Variants in SLC22A15 observed in about 807,000 individuals in gnomAD.
The protein encoded by SLC22A15 is flipt 1.
In SLC22A15, 45 loss-of-function variants were observed where a neutral mutation model predicts 62.7. That is an observed-to-expected ratio of 0.72 (90% confidence interval 0.56 to 0.92). SLC22A15 has a LOEUF of 0.92. Ranked by LOEUF, SLC22A15 falls within the 40% of genes least tolerant of loss-of-function variation. The probability of loss-of-function intolerance (pLI) is 0.00; values close to 1 mark genes in which losing one functional copy is unlikely to be tolerated. For missense variants in SLC22A15, 622 were observed against 665.6 expected, an observed-to-expected ratio of 0.93 and a Z score of 0.72; for synonymous variants, 264 against 267.0, an observed-to-expected ratio of 0.99 and a Z score of 0.11.
At chr1:115,984,709 A>G (rs1175378451) in intron 1 of SLC22A15, among the ~76,000 whole-genome samples, 2 of 152,182 alleles carry the variant, frequency 1.3e-5, no homozygotes, top group Non-Finnish European at 2.9e-5. Context: ...TGAGGGTTCC[A>G]TGTCTTCAGG....
chr1:115,993,428 A>T (rs796583815), intron 2 of SLC22A15, among the ~76,000 whole-genome samples: 3,442 of 143,562 alleles, frequency 0.024, 150 homozygotes, highest in African/African-American at 0.088. Context: ...AGTGTGTGAG[A>T]GTGTGTGTGT....
In SLC22A15 at chr1:116,020,902, G is replaced by A. The variant is rs748528814; in HGVS notation, c.598+17G>A. On this transcript the variant is annotated intron_variant, in intron 4 of 11. Coordinates refer to ENST00000369503, the MANE Select transcript of SLC22A15 (RefSeq NM_018420.3). ...CACTTGCAGGTACTACTTAAATCAT[G>A]CAGCTCTGGACTGGGTGAGCAGCTC... 5 of 1,608,748 alleles carry A rather than the reference G, an allele frequency of 3.1e-6. No homozygotes were observed. In the East Asian group the frequency reaches 8.9e-5, roughly 29 times the overall value.
intron 10 of SLC22A15, among the ~76,000 whole-genome samples, chr1:116,065,568 G>T (rs1658479058): frequency 6.6e-6 from 1 of 151,256 alleles, no homozygotes; most frequent in African/African-American, 2.4e-5. Flanking sequence ...GAGTGTAGAT[G>T]GCTAGAGATG....
At chr1:115,993,823 C>A (rs1254915213) in intron 2 of SLC22A15, among the ~76,000 whole-genome samples, 1 of 152,070 alleles carries the variant, frequency 6.6e-6, no homozygotes, top group Non-Finnish European at 1.5e-5. Flanking sequence ...TTTTCCAGCC[C>A]CACTCTGCAC....
intron 8 of SLC22A15, among the ~76,000 whole-genome samples, chr1:116,056,147 C>T (rs1658201229): frequency 6.6e-6 from 1 of 151,932 alleles, no homozygotes; most frequent in Non-Finnish European, 1.5e-5. Context: ...GATTGTATAT[C>T]TAGAAAATCC....
At chr1:116,015,354 A>G (rs889167301) in intron 2 of SLC22A15, 2 of 152,204 alleles carry the variant, frequency 1.3e-5, no homozygotes, top group African/African-American at 2.4e-5. Context: ...TAGCATTGAC[A>G]TGAAGAAAAA....
In SLC22A15 at chr1:115,992,232, A is replaced by T; in HGVS notation, c.289A>T (p.Ile97Phe). ...HVHFSSSFTS[I>F]ASEWFLIANR... is the part of the protein sequence containing the mutation. ...GCATTTCAGCAGCAGCTTCACCTCC[A>T]TCGCCTCGGAGGTAACAACAGGCTG... Residue 97 changes from isoleucine (I) to phenylalanine (F), a missense_variant, in exon 2 of 12, where the codon ATC becomes TTC. Ile to Phe is a conservative substitution (Grantham distance 21). Transcript: ENST00000369503. 1.9e-6 allele frequency: 3 copies of T among 1,580,604 alleles called. No individual in the cohort carries two copies. The highest frequency in any genetic ancestry group is 1.7e-6 in the Non-Finnish European group (2 of 1,162,690).
chr1:116,018,822 T>C (rs1363356769), intron 2 of SLC22A15, among the ~76,000 whole-genome samples: 1 of 152,234 alleles, frequency 6.6e-6, no homozygotes, highest in East Asian at 1.9e-4. Flanking sequence ...GCTATAGTCA[T>C]CCTACAGTGA....
At chr1:116,026,683 T>A (rs1657108931) in intron 4 of SLC22A15, among the ~76,000 whole-genome samples, 1 of 152,248 alleles carries the variant, frequency 6.6e-6, no homozygotes, top group South Asian at 2.1e-4. Context: ...ATCTTCCCTT[T>A]ATTTCCACTA....
Position 116,020,892 on chromosome 1 carries a change from C to T in SLC22A15, c.598+7C>T, listed in dbSNP as rs1224186336. 1.2e-6 allele frequency: 2 copies of T among 1,609,252 alleles called. No individual in the cohort carries two copies. Among genetic ancestry groups the T allele is most frequent in the Non-Finnish European group, 1.7e-6 (2 of 1,177,422 alleles). Reference sequence around the variant, plus strand: ...GCCTACTGGGCACTTGCAGGTACTACTTAAATCATGCAGCTCTGGACTGGG... The same window carrying T: ...GCCTACTGGGCACTTGCAGGTACTATTTAAATCATGCAGCTCTGGACTGGG... On this transcript the variant is annotated splice_region_variant and intron_variant, in intron 4 of 11. Transcript: ENST00000369503.
chr1:116,037,321 A>G lies in SLC22A15; in HGVS notation c.1104A>G (p.Thr368=). ...INQKWFGRKR[T]LSAFLCLGGL... ...TGTTTAGGTTTGGTCGGAAGCGAAC[A>G]TTATCAGCATTTCTGTGCCTAGGAG... Residue 368 remains threonine (T), a synonymous_variant, in exon 8 of 12, where the codon ACA becomes ACG. Coordinates refer to ENST00000369503, the MANE Select transcript of SLC22A15 (RefSeq NM_018420.3). 1.9e-6 allele frequency: 3 copies of G among 1,613,412 alleles called. No homozygotes were observed. Among genetic ancestry groups the G allele is most frequent in the Non-Finnish European group, 1.7e-6 (2 of 1,179,458 alleles).
At chr1:115,993,127 G>T (rs1655236584) in intron 2 of SLC22A15, among the ~76,000 whole-genome samples, 1 of 152,094 alleles carries the variant, frequency 6.6e-6, no homozygotes, top group African/African-American at 2.4e-5. Context: ...GAGAAACCCT[G>T]GATGGGGGCA....
chr1:116,029,135 G>A (rs1009541280), intron 5 of SLC22A15, among the ~76,000 whole-genome samples: 5 of 152,188 alleles, frequency 3.3e-5, no homozygotes, highest in African/African-American at 1.2e-4. Context: ...TTGCACAAAT[G>A]TTGGCACAAA....
intron 1 of SLC22A15, among the ~76,000 whole-genome samples, chr1:115,986,762 G>A (rs772773925): frequency 1.3e-5 from 2 of 152,220 alleles, no homozygotes; most frequent in Non-Finnish European, 2.9e-5. Flanking sequence ...TATTTGTACA[G>A]TGCTATGCAA....
intron 8 of SLC22A15, among the ~76,000 whole-genome samples, chr1:116,039,036 T>C (rs1223165744): frequency 6.6e-6 from 1 of 152,184 alleles, no homozygotes; most frequent in African/African-American, 2.4e-5. Context: ...GGCAGATGTA[T>C]GGTCTCCCCT....
chr1:115,989,035 G>A (rs1377629404), intron 1 of SLC22A15, among the ~76,000 whole-genome samples: 2 of 152,150 alleles, frequency 1.3e-5, no homozygotes, highest in Non-Finnish European at 2.9e-5. Flanking sequence ...GGCTGGCACT[G>A]CATAGAAGAG....
intron 8 of SLC22A15, among the ~76,000 whole-genome samples, chr1:116,055,586 G>C (rs1417146799): frequency 6.7e-6 from 1 of 149,098 alleles, no homozygotes; most frequent in East Asian, 2.0e-4. Context: ...ACCAAAGCCG[G>C]GCAGAGACAC....
At chr1:116,029,925 C>G (rs1657310860) in intron 5 of SLC22A15, among the ~76,000 whole-genome samples, 1 of 152,002 alleles carries the variant, frequency 6.6e-6, no homozygotes, top group African/African-American at 2.4e-5. Flanking sequence ...CACAGTAGTC[C>G]TCTTTCATTT....
intron 10 of SLC22A15, 129 bp from the exon 11 acceptor site, chr1:116,066,391 G>T (rs1441245682): frequency 5.6e-6 from 4 of 719,554 alleles, no homozygotes; most frequent in Non-Finnish European, 9.0e-6. Flanking sequence ...GTGGCTTATA[G>T]TGTTGTCTAG....
Sources: allele counts gnomAD v4.1 joint callset (sites outside exome capture counted in the v4.1 genomes callset), GRCh38; gene constraint gnomAD v4.1.1; transcripts MANE v1.5; gene names NCBI Gene and HGNC (gene_info 2026-07-23, HGNC 2026-07-21).